The following ZFYVE16 variants were observed in gnomAD, a reference collection of about 807,000 sequenced individuals.
The protein encoded by ZFYVE16 is zinc finger FYVE domain-containing protein 16.
In ZFYVE16, 89 loss-of-function variants were observed where a neutral mutation model predicts 138.1. The observed-to-expected ratio is 0.64, with a 90% confidence interval of 0.54 to 0.77. The LOEUF (loss-of-function observed/expected upper bound fraction) is 0.77, where lower values mean the gene tolerates loss of function less well. Among genes scored for constraint, ZFYVE16 ranks in the 30% least tolerant of loss-of-function variants. The pLI is 0.00. For missense variants in ZFYVE16, 1,793 were observed against 1,786.7 expected (o/e 1.00, Z -0.06); for synonymous variants, 596 against 618.3 (o/e 0.96, Z 0.53).
intron 6 of ZFYVE16, chr5:80,443,982 GA>G (rs1187330756): frequency 8.8e-6 from 3 of 341,624 alleles, no homozygotes; most frequent in African/African-American, 6.4e-5. Flanking sequence ...TTTTACCACA[GA>G]AATAATATTT....
chr5:80,422,805 GT>G (rs1482515960), intron 1 of ZFYVE16, among the ~76,000 whole-genome samples: 50 of 152,168 alleles, frequency 3.3e-4, no homozygotes, highest in African/African-American at 1.1e-3. Context: ...GTCTTCCTTA[GT>G]TTGTTAATAT....
chr5:80,458,596 C>A (rs1046391961), intron 14 of ZFYVE16, among the ~76,000 whole-genome samples: 4 of 152,128 alleles, frequency 2.6e-5, no homozygotes, highest in African/African-American at 9.7e-5. Context: ...TGTTGTACAT[C>A]ATTTAACTGT....
chr5:80,438,252 A>G lies in ZFYVE16; in HGVS notation c.1567A>G (p.Lys523Glu). The change falls in exon 4 of 19, where the codon AAA becomes GAA. Residue 523 changes from lysine to glutamate, a missense_variant. Coordinates refer to ENST00000505560, the MANE Select transcript of ZFYVE16 (RefSeq NM_001284236.3). ...LDYFNIDEGA[K>E]SGPLISDAEL... is the part of the protein sequence containing the mutation. ...TTACTTTAATATTGATGAAGGCGCA[A>G]AAAGTGGCCCACTAATTAGTGATGC... 1.9e-6 allele frequency: 3 copies of G among 1,614,070 alleles called. No individual in the cohort carries two copies. Among genetic ancestry groups the G allele is most frequent in the Non-Finnish European group, 2.5e-6 (3 of 1,179,960 alleles).
At chr5:80,423,886 T>C (rs1041787087) in intron 1 of ZFYVE16, among the ~76,000 whole-genome samples, 1 of 152,168 alleles carries the variant, frequency 6.6e-6, no homozygotes, top group East Asian at 1.9e-4. Flanking sequence ...GCCAAAATTA[T>C]TTTTGTTTTT....
At chr5:80,462,663 T>G (rs1002343371) in intron 15 of ZFYVE16, among the ~76,000 whole-genome samples, 2 of 152,220 alleles carry the variant, frequency 1.3e-5, no homozygotes, top group Non-Finnish European at 2.9e-5. Flanking sequence ...TCCCAAAGTC[T>G]TAACACATTC....
At chr5:80,425,884 C>T (rs189834379) in intron 1 of ZFYVE16, among the ~76,000 whole-genome samples, 25 of 152,242 alleles carry the variant, frequency 1.6e-4, no homozygotes, top group Admixed American at 6.5e-4. Flanking sequence ...GCCTTGTAAA[C>T]ATCCATTTAT....
chr5:80,407,681 G>C (rs1239306869), upstream of ZFYVE16, among the ~76,000 whole-genome samples: 3 of 152,252 alleles, frequency 2.0e-5, no homozygotes. Context: ...CTGTCCAGTA[G>C]AGACCGGAAC....
chr5:80,441,530 G>T, intron 5 of ZFYVE16: 1 of 985,318 alleles, frequency 1.0e-6, no homozygotes, highest in Non-Finnish European at 1.2e-6. Flanking sequence ...TAATAGAAGT[G>T]ATCATTTAAA....
intron 15 of ZFYVE16, among the ~76,000 whole-genome samples, chr5:80,459,849 C>G (rs1270475412): frequency 6.6e-6 from 1 of 152,160 alleles, no homozygotes; most frequent in African/African-American, 2.4e-5. Context: ...ACATGAGTTT[C>G]TAAACTTTAT....
rs756942184 is a variant in ZFYVE16 at position 80,437,714 on chromosome 5, A to G, written c.1029A>G (p.Gln343=). Residue 343 remains glutamine, a synonymous_variant, in exon 4 of 19, where the codon CAA becomes CAG. Transcript: ENST00000505560. ...AGACTGTTATAAAACAATCTGCACAAGAAGACTCAAAAAGTTTAGACCTTA... is the reference window on the plus strand; with the variant it reads ...AGACTGTTATAAAACAATCTGCACAGGAAGACTCAAAAAGTTTAGACCTTA... ...EDKTVIKQSA[Q]EDSKSLDLKD... 5 of 1,614,096 alleles carry G rather than the reference A, an allele frequency of 3.1e-6. No homozygotes were observed. Among genetic ancestry groups the G allele is most frequent in the Non-Finnish European group, 4.2e-6 (5 of 1,179,972 alleles).
chr5:80,468,475 G>A (rs1753956179), intron 15 of ZFYVE16, among the ~76,000 whole-genome samples: 1 of 152,210 alleles, frequency 6.6e-6, no homozygotes, highest in African/African-American at 2.4e-5. Context: ...ATGGTAGACA[G>A]TTATAATATG....
chr5:80,430,491 G>T (rs1400198416), intron 2 of ZFYVE16, among the ~76,000 whole-genome samples: 1 of 151,914 alleles, frequency 6.6e-6, no homozygotes, highest in Admixed American at 6.6e-5. Flanking sequence ...AAGCAGGAAA[G>T]ATCTAAAATT....
At position 80,474,845 on chromosome 5, in the gene ZFYVE16, T is replaced by C; in HGVS notation, c.4461+15T>C. ...ACACTGATATGGTGAGGCATGTTTT[T>C]GTGATGTATTTTTGAAATGAATGTA... On this transcript the variant is annotated intron_variant, in intron 18 of 18. Transcript: ENST00000505560. 1 of 1,583,044 alleles carries C rather than the reference T, an allele frequency of 6.3e-7. No homozygotes were observed. Among genetic ancestry groups the C allele is most frequent in the Non-Finnish European group, 8.6e-7 (1 of 1,165,092 alleles).
chr5:80,473,721 A>T, intron 16 of ZFYVE16, 33 bp from the exon 17 acceptor site: 1 of 1,436,412 alleles, frequency 7.0e-7, no homozygotes, highest in South Asian at 1.3e-5. Flanking sequence ...CATTGGTGCT[A>T]ATAATTCTAT....
chr5:80,429,123 C>A (rs146124975), intron 2 of ZFYVE16, among the ~76,000 whole-genome samples: 1 of 151,996 alleles, frequency 6.6e-6, no homozygotes, highest in African/African-American at 2.4e-5. Flanking sequence ...AGATACTCCT[C>A]GAGAAGAGCA....
rs1198088611 is a variant in ZFYVE16 at position 80,438,439 on chromosome 5, C to A, written c.1754C>A (p.Ala585Asp). The change falls in exon 4 of 19, where the codon GCT (alanine) becomes GAT (aspartate). Residue 585 changes from alanine (A) to aspartate (D), a missense_variant. This residue lies in a region of ZFYVE16 where 1,295 missense variants were observed against 1,204.3 expected (regional missense o/e 1.08). Transcript: ENST00000505560. ...ATATATTTCAATGCAGAAGCAGGAG[C>A]TATTGGGGAAAGTCATGGTATTAAT... ...NNIYFNAEAG[A>D]IGESHGINII... 2 of 1,613,608 alleles carry A rather than the reference C, an allele frequency of 1.2e-6. No individual in the cohort carries two copies. Among genetic ancestry groups the A allele is most frequent in the African/African-American group, 2.7e-5 (2 of 74,842 alleles).
chr5:80,437,279 T>C lies in ZFYVE16; in HGVS notation c.594T>C (p.Asn198=), dbSNP rs756765071. ...ATGATATCAGTTCTGAATTACAAAA[T>C]AGAGAAATCGGAGGAATCAAAGAAT... ...QQNDISSELQ[N]REIGGIKELG... Residue 198 remains asparagine, a synonymous_variant, in exon 4 of 19, where the codon AAT becomes AAC. Transcript: ENST00000505560. The C allele has an allele frequency of 1.9e-6, 3 of 1,610,378 alleles. No homozygotes were observed. The highest frequency in any genetic ancestry group is 2.2e-5 in the South Asian group (2 of 90,666).
At chr5:80,456,661 C>A in intron 13 of ZFYVE16, 96 bp downstream of exon 13, 1 of 1,032,796 alleles carries the variant, frequency 9.7e-7, no homozygotes. Context: ...ATTAGACTAT[C>A]TAATGTATTA....
chr5:80,438,460 T>C lies in ZFYVE16; in HGVS notation c.1775T>C (p.Ile592Thr). The change falls in exon 4 of 19, where the codon ATT becomes ACT. Residue 592 changes from isoleucine (I) to threonine (T), a missense_variant. Physicochemically the swap from Ile to Thr is moderately conservative, Grantham distance 89. This residue lies in a region of ZFYVE16 where 1,295 missense variants were observed against 1,204.3 expected (regional missense o/e 1.08). Transcript: ENST00000505560. Reference protein sequence around the residue: ...EAGAIGESHGINIICEIVDKQ... With the variant: ...EAGAIGESHGTNIICEIVDKQ... ...GGAGCTATTGGGGAAAGTCATGGTA[T>C]TAATATAATTTGTGAAATAGTTGAT... 6.2e-7 allele frequency: 1 copy of C among 1,613,780 alleles called. No homozygotes were observed. Among genetic ancestry groups the C allele is most frequent in the Non-Finnish European group, 8.5e-7 (1 of 1,179,846 alleles).
Sources: allele counts gnomAD v4.1 joint callset (sites outside exome capture counted in the v4.1 genomes callset), GRCh38; gene constraint gnomAD v4.1.1; regional missense constraint gnomAD v4.1.1; transcripts MANE v1.5; gene names NCBI Gene and HGNC (gene_info 2026-07-23, HGNC 2026-07-21).